The following AFF1 variants were observed in gnomAD, a reference collection of about 807,000 sequenced individuals.
AFF1 encodes the protein ALF transcription elongation factor 1, also known as AF4/FMR2 family member 1.
AFF1 carries 48 observed loss-of-function variants against 121.7 expected under a neutral mutation model. The ratio of observed to expected loss-of-function variants is 0.39; its 90% CI spans 0.31 to 0.50. The LOEUF (loss-of-function observed/expected upper bound fraction) is 0.50, where lower values mean the gene tolerates loss of function less well. AFF1 is among the 20% of genes least tolerant of loss of function. The pLI is 0.76. For missense variants in AFF1, 1,523 were observed against 1,511.7 expected (o/e 1.01, Z -0.12); for synonymous variants, 613 against 563.0 (o/e 1.09, Z -1.26).
chr4:87,117,070 A>G (rs1297938389), intron 12 of AFF1, among the ~76,000 whole-genome samples: 4 of 152,132 alleles, frequency 2.6e-5, no homozygotes, highest in African/African-American at 9.7e-5. Context: ...CACTTCTGAA[A>G]GGATTACCTA....
rs1553941201 is a variant in AFF1 at position 87,140,849 on chromosome 4, G to GC, written c.*5148_*5149insC. The GC allele has an allele frequency of 1.1e-5, 2 of 183,980 alleles. No homozygotes were observed. Among genetic ancestry groups the GC allele is most frequent in the Admixed American group, 6.3e-5 (1 of 15,956 alleles). The allele number at this position is 183,980 out of a possible 1,614,324, so 11.4% of individuals were successfully genotyped here. A position where few individuals can be genotyped will look rare whatever the true frequency, so the allele number is the denominator to read the frequency against. On this transcript the variant is annotated 3_prime_UTR_variant, in exon 21 of 21. Coordinates refer to ENST00000395146, the MANE Select transcript of AFF1 (RefSeq NM_001166693.3). ...ATATGTGATCTGTGAGAGAATTATAGTTTTTTTTTAGAAGAAAAATCTGCA... is the reference window on the plus strand; with the variant it reads ...ATATGTGATCTGTGAGAGAATTATAGCTTTTTTTTTAGAAGAAAAATCTGCA...
chr4:87,075,836 G>A (rs1200995866), intron 4 of AFF1, among the ~76,000 whole-genome samples: 1 of 152,134 alleles, frequency 6.6e-6, no homozygotes, highest in East Asian at 1.9e-4. Flanking sequence ...TCCCAGGAAA[G>A]AGATTGGAAA....
Position 86,949,613 on chromosome 4 carries a change from C to T in AFF1, c.38+1042C>T, listed in dbSNP as rs1466431667. 9.2e-6 allele frequency: 13 copies of T among 1,415,724 alleles called. No individual in the cohort carries two copies. In the Admixed American group the frequency reaches 2.4e-4, roughly 26 times the overall value. The allele number at this position is 1,415,724 out of a possible 1,614,324, so 87.7% of individuals were successfully genotyped here. A position where few individuals can be genotyped will look rare whatever the true frequency, so the allele number is the denominator to read the frequency against. On this transcript the variant is annotated intron_variant, in intron 2 of 20. Coordinates refer to ENST00000395146, the MANE Select transcript of AFF1 (RefSeq NM_001166693.3). ...TGCTGGAGAGCTGTGGGCCCCACTCCTCCCCCAGAATGCCACCGGGTTGAG... is the reference window on the plus strand; with the variant it reads ...TGCTGGAGAGCTGTGGGCCCCACTCTTCCCCCAGAATGCCACCGGGTTGAG...
intron 2 of AFF1, among the ~76,000 whole-genome samples, chr4:87,020,442 T>G (rs1031329783): frequency 6.6e-6 from 1 of 152,212 alleles, no homozygotes; most frequent in African/African-American, 2.4e-5. Context: ...ATGAGTACAC[T>G]GCTATCTTAA....
intron 12 of AFF1, among the ~76,000 whole-genome samples, chr4:87,119,942 TCTGA>T (rs1454693460): frequency 6.6e-6 from 1 of 152,190 alleles, no homozygotes; most frequent in African/African-American, 2.4e-5. Flanking sequence ...CCATCCAAGA[TCTGA>T]CTGTCTTTTC....
chr4:87,006,364 G>A (rs571226608), intron 2 of AFF1, among the ~76,000 whole-genome samples: 22 of 152,324 alleles, frequency 1.4e-4, no homozygotes, highest in African/African-American at 4.8e-4. Context: ...TGAGTAGGAA[G>A]TGATTTCGTT....
At chr4:86,951,941 G>A (rs1192536026) in intron 2 of AFF1, among the ~76,000 whole-genome samples, 1 of 145,164 alleles carries the variant, frequency 6.9e-6, no homozygotes, top group African/African-American at 2.5e-5. Flanking sequence ...TTTTTTTAAA[G>A]CAAAAAGCTA....
intron 2 of AFF1, among the ~76,000 whole-genome samples, chr4:87,041,549 C>G (rs1173596925): frequency 6.6e-6 from 1 of 152,028 alleles, no homozygotes; most frequent in Non-Finnish European, 1.5e-5. Context: ...TTAGCTAATG[C>G]AAAGTACCAT....
At chr4:86,937,277 G>T (rs190628788) in intron 1 of AFF1, among the ~76,000 whole-genome samples, 1 of 152,288 alleles carries the variant, frequency 6.6e-6, no homozygotes, top group Admixed American at 6.5e-5. Flanking sequence ...AGAATACAAA[G>T]ATCATTTAGA....
chr4:87,054,393 G>A (rs1719879579), intron 4 of AFF1, among the ~76,000 whole-genome samples: 2 of 152,192 alleles, frequency 1.3e-5, no homozygotes, highest in African/African-American at 4.8e-5. Flanking sequence ...AGCCTTGGGA[G>A]AAGCACAGGA....
chr4:87,104,084 A>T (rs1338889695), intron 8 of AFF1, among the ~76,000 whole-genome samples: 1 of 152,182 alleles, frequency 6.6e-6, no homozygotes, highest in African/African-American at 2.4e-5. Flanking sequence ...AAGTCCTATG[A>T]CTGAAGGCTA....
In AFF1 at chr4:86,970,968, G is replaced by A. The variant is rs566577205; in HGVS notation, c.38+22397G>A. Among the ~76,000 whole-genome samples the A allele has an allele frequency of 4.6e-5, 7 of 152,324 alleles. No homozygotes were observed. The South Asian group carries it at 6.2e-4, about 14-fold the overall frequency. ...CAGATTGTGGAGGGCCTTGTCGGCCGTTGGAAAGTTGTTGGAGTGAGAGAG... is the reference window on the plus strand; with the variant it reads ...CAGATTGTGGAGGGCCTTGTCGGCCATTGGAAAGTTGTTGGAGTGAGAGAG... On this transcript the variant is annotated intron_variant, in intron 2 of 20. Coordinates refer to ENST00000395146, the MANE Select transcript of AFF1 (RefSeq NM_001166693.3).
At chr4:86,956,729 A>G (rs1420809429) in intron 2 of AFF1, among the ~76,000 whole-genome samples, 10 of 152,232 alleles carry the variant, frequency 6.6e-5, no homozygotes, top group African/African-American at 2.4e-4. Context: ...AGATTCATCC[A>G]TATTACAGCA....
chr4:87,030,241 C>T (rs340641), intron 2 of AFF1, among the ~76,000 whole-genome samples: 64,845 of 152,048 alleles, frequency 0.43, 16,592 homozygotes, highest in South Asian at 0.65. Context: ...TTAGGCTTTG[C>T]AGCCCACGCG....
At chr4:87,082,394 T>A (rs1229236872) in intron 4 of AFF1, among the ~76,000 whole-genome samples, 3 of 152,312 alleles carry the variant, frequency 2.0e-5, no homozygotes, top group East Asian at 3.9e-4. Flanking sequence ...GTTGTTTGCA[T>A]GTGTAATGCT....
At chr4:87,006,766 G>A (rs912849281) in intron 2 of AFF1, among the ~76,000 whole-genome samples, 1 of 152,222 alleles carries the variant, frequency 6.6e-6, no homozygotes, top group African/African-American at 2.4e-5. Flanking sequence ...AACCTGGCAA[G>A]AGAGCACTCT....
intron 4 of AFF1, among the ~76,000 whole-genome samples, chr4:87,051,095 A>G (rs1396237982): frequency 6.6e-6 from 1 of 152,228 alleles, no homozygotes; most frequent in African/African-American, 2.4e-5. Flanking sequence ...CATATACTGA[A>G]TTTAGAATGT....
chr4:86,965,700 G>T (rs536942286), intron 2 of AFF1, among the ~76,000 whole-genome samples: 3 of 152,268 alleles, frequency 2.0e-5, no homozygotes, highest in South Asian at 4.1e-4. Flanking sequence ...GCTGGTTGAG[G>T]CTTTGGATTT....
At chr4:87,115,911 C>T (rs1727077738) in intron 12 of AFF1, among the ~76,000 whole-genome samples, 1 of 152,042 alleles carries the variant, frequency 6.6e-6, no homozygotes, top group African/African-American at 2.4e-5. Flanking sequence ...GACACGATGC[C>T]CAGCCTCATT....
Sources: allele counts gnomAD v4.1 joint callset (sites outside exome capture counted in the v4.1 genomes callset), GRCh38; gene constraint gnomAD v4.1.1; transcripts MANE v1.5; gene names NCBI Gene and HGNC (gene_info 2026-07-23, HGNC 2026-07-21).